Variants in CPQ observed in about 807,000 individuals in gnomAD.
The protein encoded by CPQ is carboxypeptidase Q.
In CPQ, 37 loss-of-function variants were observed where a neutral mutation model predicts 45.7. The ratio of observed to expected loss-of-function variants is 0.81; its 90% CI spans 0.62 to 1.07. The LOEUF is 1.07. Ranked by LOEUF, CPQ falls within the 50% of genes least tolerant of loss-of-function variation. The probability of loss-of-function intolerance (pLI) is 0.00; values close to 1 mark genes in which losing one functional copy is unlikely to be tolerated. For missense variants in CPQ, 537 were observed against 572.9 expected (o/e 0.94, Z 0.64); for synonymous variants, 186 against 205.8 (o/e 0.90, Z 0.82).
chr8:96,989,489 A>G (rs1809052451), intron 5 of CPQ, among the ~76,000 whole-genome samples: 2 of 140,284 alleles, frequency 1.4e-5, no homozygotes, highest in African/African-American at 5.4e-5. Context: ...AGGAGAGGGG[A>G]GTGGAGGAGA....
chr8:97,077,645 A>T (rs1810871867), intron 7 of CPQ, among the ~76,000 whole-genome samples: 1 of 152,236 alleles, frequency 6.6e-6, no homozygotes, highest in Admixed American at 6.5e-5. Context: ...TAGCATCCAC[A>T]TATATTTATG....
intron 3 of CPQ, among the ~76,000 whole-genome samples, chr8:96,846,889 C>T (rs1396667776): frequency 6.6e-6 from 1 of 152,170 alleles, no homozygotes; most frequent in Non-Finnish European, 1.5e-5. Flanking sequence ...CTCCTTATAT[C>T]TAAAATTGCT....
rs1410037713 is a variant in CPQ, at chr8:96,739,164, G to A, written c.-34-45700G>A. On this transcript the variant is annotated intron_variant, in intron 1 of 7. Transcript: ENST00000220763. ...TAATGATTGCCATTCTAACTGGTGT[G>A]AGATGGTATCTCATTGTGGTTTTGA... is the stretch of plus-strand genomic sequence containing the variant. 2.8e-3 allele frequency among the ~76,000 whole-genome samples: 407 copies of A among 146,862 alleles called. 1 individual carries two copies. Among genetic ancestry groups the A allele is most frequent in the African/African-American group, 9.7e-3 (387 of 40,032 alleles).
chr8:96,777,741 TATATATATATATATATA>T (rs1810626561), intron 1 of CPQ, among the ~76,000 whole-genome samples: 3 of 11,026 alleles, frequency 2.7e-4, no homozygotes, highest in African/African-American at 9.8e-4. Context: ...TATATATATA[TATATATATATATATATA>T]TATTTTTTTT....
At chr8:96,964,626 ACT>A (rs1428838878) in intron 4 of CPQ, among the ~76,000 whole-genome samples, 2 of 152,058 alleles carry the variant, frequency 1.3e-5, no homozygotes, top group South Asian at 2.1e-4. Context: ...AAAAAAAAAC[ACT>A]CTCACATATT....
intron 2 of CPQ, 132 bp downstream of exon 2, chr8:96,785,462 C>T (rs1192438273): frequency 1.2e-5 from 9 of 742,272 alleles, no homozygotes; most frequent in Non-Finnish European, 1.9e-5. Context: ...GAGTTCTCTA[C>T]CCTTTTTTGT....
At chr8:96,863,165 T>G (rs754466200) in intron 3 of CPQ, among the ~76,000 whole-genome samples, 1 of 152,062 alleles carries the variant, frequency 6.6e-6, no homozygotes, top group Non-Finnish European at 1.5e-5. Flanking sequence ...GAACTTAGTT[T>G]CTAGGATTTC....
At chr8:96,690,407 C>CT (rs1358819185) in intron 1 of CPQ, among the ~76,000 whole-genome samples, 1 of 152,120 alleles carries the variant, frequency 6.6e-6, no homozygotes, top group Non-Finnish European at 1.5e-5. Context: ...AGCTTTTACT[C>CT]TCTTCCCCAT....
chr8:96,952,924 T>G (rs1043046904), intron 4 of CPQ, among the ~76,000 whole-genome samples: 1 of 152,146 alleles, frequency 6.6e-6, no homozygotes, highest in Non-Finnish European at 1.5e-5. Context: ...TTAGTTATTA[T>G]GCCTTCCTAC....
intron 1 of CPQ, among the ~76,000 whole-genome samples, chr8:96,681,691 G>A (rs1196834840): frequency 1.3e-5 from 2 of 152,158 alleles, no homozygotes; most frequent in Non-Finnish European, 2.9e-5. Flanking sequence ...TAGATCCACT[G>A]ATAGCTTGCA....
chr8:96,717,475 T>C (rs1809697153), intron 1 of CPQ, among the ~76,000 whole-genome samples: 1 of 152,142 alleles, frequency 6.6e-6, no homozygotes, highest in Non-Finnish European at 1.5e-5. Context: ...TAGTATAGTC[T>C]GAAGCTGGGT....
intron 7 of CPQ, among the ~76,000 whole-genome samples, chr8:97,110,332 T>C (rs1000607058): frequency 1.3e-5 from 2 of 152,232 alleles, no homozygotes; most frequent in Non-Finnish European, 2.9e-5. Context: ...ACTATTCCAT[T>C]ATATAAATAC....
chr8:97,030,567 T>C lies in CPQ; in HGVS notation c.1053+1073T>C, dbSNP rs760063832. Among the ~76,000 whole-genome samples, 3 of 152,202 alleles carry C rather than the reference T, an allele frequency of 2.0e-5. No homozygotes were observed. The South Asian group carries it at 6.2e-4, about 31-fold the overall frequency. On this transcript the variant is annotated intron_variant, in intron 6 of 7. Coordinates refer to ENST00000220763, the MANE Select transcript of CPQ (RefSeq NM_016134.4). Reference sequence around the variant, plus strand: ...TGGGGATAACATAATTCAAGACAAGTGTCCTTTGGTTGGTAGGTCAGTAAC... The same window carrying C: ...TGGGGATAACATAATTCAAGACAAGCGTCCTTTGGTTGGTAGGTCAGTAAC...
chr8:96,744,282 C>A (rs557925767), intron 1 of CPQ, among the ~76,000 whole-genome samples: 1 of 152,348 alleles, frequency 6.6e-6, no homozygotes, highest in Admixed American at 6.5e-5. Flanking sequence ...GGAAAGGGAA[C>A]TCCCTGACCC....
chr8:96,801,342 T>C (rs185081836), intron 2 of CPQ, among the ~76,000 whole-genome samples: 72 of 152,146 alleles, frequency 4.7e-4, no homozygotes, highest in African/African-American at 1.7e-3. Flanking sequence ...GATATATGGA[T>C]AATTTATTAC....
intron 7 of CPQ, among the ~76,000 whole-genome samples, chr8:97,123,010 A>AAAATAAAATAAAATAAAATAAAAT (rs1563587026): frequency 1.9e-5 from 1 of 53,838 alleles, no homozygotes; most frequent in African/African-American, 9.2e-5. Flanking sequence ...AATATAAAAT[A>AAAATAAAATAAAATAAAATAAAAT]AAATAAAATA....
intron 1 of CPQ, among the ~76,000 whole-genome samples, chr8:96,767,298 C>T (rs1160281615): frequency 6.6e-6 from 1 of 152,096 alleles, no homozygotes; most frequent in African/African-American, 2.4e-5. Flanking sequence ...CCCATAACAG[C>T]GACTAGAGTG....
chr8:97,014,941 G>A (rs138807561), intron 5 of CPQ, among the ~76,000 whole-genome samples: 25 of 152,084 alleles, frequency 1.6e-4, no homozygotes, highest in Non-Finnish European at 3.2e-4. Context: ...TTGCTGTTTG[G>A]TGTTGAAAAG....
intron 4 of CPQ, among the ~76,000 whole-genome samples, chr8:96,947,917 C>T (rs774356359): frequency 6.6e-6 from 1 of 152,044 alleles, no homozygotes; most frequent in Non-Finnish European, 1.5e-5. Context: ...TTTCAGATAA[C>T]CTCAAGGTAG....
Sources: gnomAD v4.1 joint callset for allele counts (sites outside exome capture counted in the v4.1 genomes callset) on GRCh38, gnomAD v4.1.1 for gene constraint, MANE v1.5 for transcripts, NCBI Gene and HGNC (gene_info 2026-07-23, HGNC 2026-07-21) for gene names.